The following PHF21B variants were observed in gnomAD, a reference collection of about 807,000 sequenced individuals.
PHF21B encodes PHD finger protein 21B.
A neutral mutation model predicts 62.2 loss-of-function variants in PHF21B; 22 were observed. That is an observed-to-expected ratio of 0.35 (90% CI 0.25 to 0.51). The LOEUF (loss-of-function observed/expected upper bound fraction) is 0.51. Among genes scored for constraint, PHF21B ranks in the 20% least tolerant of loss-of-function variants. The pLI, the probability that PHF21B is intolerant of heterozygous loss-of-function variation, is 0.97. For missense variants in PHF21B, 701 were observed against 707.9 expected, an observed-to-expected ratio of 0.99 and a Z score of 0.11; for synonymous variants, 341 against 314.7, an observed-to-expected ratio of 1.08 and a Z score of -0.88.
At position 44,913,995 on chromosome 22, in the gene PHF21B, G is replaced by C; in HGVS notation, c.658C>G (p.Leu220Val). 6.9e-7 allele frequency: 1 copy of C among 1,439,620 alleles called. No individual in the cohort carries two copies. The highest frequency in any genetic ancestry group is 9.7e-7 in the Non-Finnish European group (1 of 1,026,962). 89.2% of individuals were successfully genotyped at this position (1,439,620 alleles called of 1,614,324 possible). Residue 220 changes from leucine to valine, a missense_variant, in exon 5 of 13, where the codon CTG (leucine) becomes GTG (valine). Coordinates refer to ENST00000313237, the MANE Select transcript of PHF21B (RefSeq NM_138415.5). ...ATGCCATGGAGGGGTGAAGGGGACA[G>C]TGATGGGGAGGGAGGGGTGAGGGGA... ...SLPLTPPSPS[L>V]SPSPLHGIFQ...
At chr22:44,921,234 G>C (rs1284943490) in intron 2 of PHF21B, among the ~76,000 whole-genome samples, 1 of 152,186 alleles carries the variant, frequency 6.6e-6, no homozygotes, top group Non-Finnish European at 1.5e-5. Context: ...AAGGGAGATG[G>C]CACCCTCCCA....
chr22:44,925,132 T>G (rs1461770967), intron 2 of PHF21B, among the ~76,000 whole-genome samples: 1 of 152,224 alleles, frequency 6.6e-6, no homozygotes, highest in Non-Finnish European at 1.5e-5. Flanking sequence ...TCCCAGGTTT[T>G]GTGGAGATGG....
chr22:44,916,490 G>A lies in PHF21B; in HGVS notation c.354C>T (p.Asn118=), dbSNP rs745898734. ...CGGGCGCTGGCACATGGCTGACAGTGTTGTTGGCGGTGGGGAGGGCTGGGC... is the reference window on the plus strand; with the variant it reads ...CGGGCGCTGGCACATGGCTGACAGTATTGTTGGCGGTGGGGAGGGCTGGGC... ...NPSPALPTAN[N]TVSHVPAPGS... Residue 118 remains asparagine (N), a synonymous_variant, in exon 4 of 13, where the codon AAC becomes AAT. Coordinates refer to ENST00000313237, the MANE Select transcript of PHF21B (RefSeq NM_138415.5). 1.9e-6 allele frequency: 3 copies of A among 1,606,250 alleles called. No homozygotes were observed. Among genetic ancestry groups the A allele is most frequent in the Non-Finnish European group, 1.7e-6 (2 of 1,178,258 alleles).
chr22:45,007,584 C>CGGGG (rs1555962384), intron 2 of PHF21B, among the ~76,000 whole-genome samples: 1 of 106,464 alleles, frequency 9.4e-6, no homozygotes, highest in Non-Finnish European at 1.9e-5. Flanking sequence ...GAGGGGGCAG[C>CGGGG]GGAGGGAGGG....
At chr22:45,006,252 C>T (rs1319687511) in intron 2 of PHF21B, among the ~76,000 whole-genome samples, 1 of 152,214 alleles carries the variant, frequency 6.6e-6, no homozygotes, top group African/African-American at 2.4e-5. Flanking sequence ...GTTAAAAACA[C>T]AAGTTCCAAT....
chr22:44,914,326 A>C (rs1025562473), intron 4 of PHF21B, among the ~76,000 whole-genome samples: 5 of 152,128 alleles, frequency 3.3e-5, no homozygotes, highest in African/African-American at 1.2e-4. Flanking sequence ...TGGTTTAGGA[A>C]CTGGGAAGGT....
intron 2 of PHF21B, among the ~76,000 whole-genome samples, chr22:44,963,756 G>A (rs2072470649): frequency 6.6e-6 from 1 of 152,242 alleles, no homozygotes; most frequent in Non-Finnish European, 1.5e-5. Context: ...GGTGACATCT[G>A]AAGGACAAAC....
intron 2 of PHF21B, among the ~76,000 whole-genome samples, chr22:44,948,327 A>C (rs1385412917): frequency 5.3e-5 from 8 of 152,154 alleles, no homozygotes; most frequent in African/African-American, 1.9e-4. Context: ...GTGACACCCT[A>C]AATGTGTTGC....
intron 2 of PHF21B, among the ~76,000 whole-genome samples, chr22:44,965,259 T>C (rs1221056435): frequency 6.6e-6 from 1 of 152,062 alleles, no homozygotes; most frequent in African/African-American, 2.4e-5. Context: ...CACCTGCTTG[T>C]ATGTGGATGG....
intron 2 of PHF21B, among the ~76,000 whole-genome samples, chr22:44,948,266 CT>C (rs2072119504): frequency 6.6e-6 from 1 of 152,208 alleles, no homozygotes; most frequent in Non-Finnish European, 1.5e-5. Context: ...GAAATCTGAG[CT>C]TGTTTTCCTG....
At chr22:44,895,273 T>A (rs556796805) in intron 6 of PHF21B, among the ~76,000 whole-genome samples, 2 of 152,184 alleles carry the variant, frequency 1.3e-5, no homozygotes, top group East Asian at 3.9e-4. Context: ...GGGGCTGGTT[T>A]CGAGGCTTCC....
At chr22:44,937,484 G>A (rs2071873611) in intron 2 of PHF21B, among the ~76,000 whole-genome samples, 2 of 152,186 alleles carry the variant, frequency 1.3e-5, no homozygotes, top group Non-Finnish European at 2.9e-5. Context: ...CTGCAGGAGT[G>A]GGAGGCAGTG....
At chr22:44,950,974 G>C (rs2072181509) in intron 2 of PHF21B, among the ~76,000 whole-genome samples, 1 of 152,062 alleles carries the variant, frequency 6.6e-6, no homozygotes, top group Non-Finnish European at 1.5e-5. Context: ...TAACATCACA[G>C]GCGGGCCACA....
intron 2 of PHF21B, among the ~76,000 whole-genome samples, chr22:44,925,475 C>T (rs112284722): frequency 2.2e-3 from 332 of 152,330 alleles, no homozygotes; most frequent in Non-Finnish European, 4.2e-3. Context: ...CCACCTGTCC[C>T]ATGGGGGTCA....
At chr22:44,941,106 C>T (rs577143657) in intron 2 of PHF21B, among the ~76,000 whole-genome samples, 39 of 152,314 alleles carry the variant, frequency 2.6e-4, no homozygotes, top group African/African-American at 9.1e-4. Context: ...AGGAATGCTG[C>T]GCGTGCTCAC....
intron 6 of PHF21B, 105 bp from the exon 7 acceptor site, chr22:44,893,638 C>G (rs2147259750): frequency 9.0e-7 from 1 of 1,115,060 alleles, no homozygotes; most frequent in African/African-American, 1.5e-5. Flanking sequence ...TGCTCTGAAG[C>G]CTCTCTGTGT....
At chr22:44,911,920 G>C (rs540197498) in intron 5 of PHF21B, among the ~76,000 whole-genome samples, 1 of 152,258 alleles carries the variant, frequency 6.6e-6, no homozygotes, top group Non-Finnish European at 1.5e-5. Context: ...GCAACCAGGA[G>C]GGAGGCTATA....
intron 2 of PHF21B, chr22:44,933,353 C>T (rs1346738554): frequency 1.0e-4 from 63 of 617,912 alleles, no homozygotes; most frequent in Non-Finnish European, 1.3e-4. Flanking sequence ...TCAGGGGATC[C>T]GTCCGCCTCG....
chr22:45,008,812 C>T (rs973300907), intron 1 of PHF21B: 2 of 1,180,410 alleles, frequency 1.7e-6, no homozygotes, highest in African/African-American at 3.2e-5. Flanking sequence ...GCCGCCTCAT[C>T]GGGGCAGCTC....
Sources: gnomAD v4.1 joint callset for allele counts (sites outside exome capture counted in the v4.1 genomes callset) on GRCh38, gnomAD v4.1.1 for gene constraint, MANE v1.5 for transcripts, NCBI Gene and HGNC (gene_info 2026-07-23, HGNC 2026-07-21) for gene names.